Variants in ADNP observed in about 807,000 individuals in gnomAD.
ADNP encodes activity dependent neuroprotector homeobox.
A neutral mutation model predicts 84.9 loss-of-function variants in ADNP; 4 were observed. The ratio of observed to expected loss-of-function variants is 0.05; its 90% CI spans 0.02 to 0.11. The LOEUF (loss-of-function observed/expected upper bound fraction) is 0.11, where lower values mean the gene tolerates loss of function less well. Among genes scored for constraint, ADNP ranks in the 10% least tolerant of loss-of-function variants. The pLI, the probability that ADNP is intolerant of heterozygous loss-of-function variation, is 1.00. For missense variants in ADNP, 1,132 were observed against 1,326.0 expected, an observed-to-expected ratio of 0.85 and a Z score of 2.27; for synonymous variants, 554 against 468.1, an observed-to-expected ratio of 1.18 and a Z score of -2.37.
chr20:50,920,283 A>G (rs1158414160), intron 2 of ADNP, among the ~76,000 whole-genome samples: 4 of 140,276 alleles, frequency 2.9e-5, no homozygotes, highest in African/African-American at 2.7e-5. Flanking sequence ...AAAAAAAAAA[A>G]AGAAAGAAAG....
rs746641833 is a variant in ADNP at position 50,894,322 on chromosome 20, G to A, written c.392C>T (p.Pro131Leu). ...GCTGCTACTTGGTGCGCTGGCGTTCGGAGCATGAAATATTTTAATGTGTGT... is the reference window on the plus strand; with the variant it reads ...GCTGCTACTTGGTGCGCTGGCGTTCAGAGCATGAAATATTTTAATGTGTGT... ...LETHIKIFHA[P>L]NASAPSSSLS... is the part of the protein sequence containing the mutation. Residue 131 changes from proline (P) to leucine (L), a missense_variant, in exon 6 of 6, where the codon CCG becomes CTG. Transcript: ENST00000621696. 1.4e-5 allele frequency: 23 copies of A among 1,613,552 alleles called. No homozygotes were observed. The highest frequency in any genetic ancestry group is 3.3e-4 in the Middle Eastern group (2 of 6,056).
chr20:50,928,423 T>C lies in ADNP; in HGVS notation c.-90+228A>G, dbSNP rs575874552. Among the ~76,000 whole-genome samples the C allele has an allele frequency of 5.9e-5, 9 of 152,312 alleles. No homozygotes were observed. In the South Asian group the frequency reaches 1.0e-3, roughly 18 times the overall value. On this transcript the variant is annotated intron_variant, in intron 2 of 5. Coordinates refer to ENST00000621696, the MANE Select transcript of ADNP (RefSeq NM_001282531.3). The stretch of plus-strand genomic sequence containing the variant: ...TATACAAAGGGGTGTAGAATGCAAA[T>C]GATTACAATATTAGCATCTGTAAAA...
At chr20:50,915,793 G>T (rs1053496183) in intron 2 of ADNP, among the ~76,000 whole-genome samples, 7 of 152,178 alleles carry the variant, frequency 4.6e-5, no homozygotes, top group African/African-American at 1.7e-4. Flanking sequence ...GCTAAAAAGG[G>T]GGGTGAGGGA....
chr20:50,905,193 C>T (rs1027322212), intron 2 of ADNP: 1 of 152,172 alleles, frequency 6.6e-6, no homozygotes, highest in Non-Finnish European at 1.5e-5. Flanking sequence ...ACCTGGGCAG[C>T]TGAGAATATG....
chr20:50,922,155 GA>G (rs1178660533), intron 2 of ADNP, among the ~76,000 whole-genome samples: 9 of 152,188 alleles, frequency 5.9e-5, no homozygotes, highest in African/African-American at 1.9e-4. Context: ...ACACCACACA[GA>G]AGTCGTGAAG....
intron 2 of ADNP, among the ~76,000 whole-genome samples, chr20:50,906,179 T>G (rs1982455993): frequency 6.6e-6 from 1 of 152,170 alleles, no homozygotes; most frequent in African/African-American, 2.4e-5. Flanking sequence ...ACCACTGCAC[T>G]CCAGCATGGC....
At chr20:50,902,448 G>A (rs891837780) in intron 4 of ADNP, among the ~76,000 whole-genome samples, 3 of 152,040 alleles carry the variant, frequency 2.0e-5, no homozygotes, top group Admixed American at 2.0e-4. Flanking sequence ...GTACTGGAAT[G>A]GTGTCTAAAA....
chr20:50,915,315 A>G (rs922462645), intron 2 of ADNP, among the ~76,000 whole-genome samples: 9 of 152,234 alleles, frequency 5.9e-5, no homozygotes, highest in Non-Finnish European at 1.2e-4. Context: ...TTCCTATTTT[A>G]GGATTTGCAT....
At chr20:50,925,291 C>CACACACACACACACACA (rs58814962) in intron 2 of ADNP, among the ~76,000 whole-genome samples, 3 of 150,106 alleles carry the variant, frequency 2.0e-5, no homozygotes, top group Non-Finnish European at 4.4e-5. Context: ...CACACACACA[C>CACACACACACACACACA]TACATAATCA....
At chr20:50,912,909 A>G (rs1021339198) in intron 2 of ADNP, among the ~76,000 whole-genome samples, 7 of 152,076 alleles carry the variant, frequency 4.6e-5, no homozygotes, top group Non-Finnish European at 7.4e-5. Context: ...GGAGAAGAGA[A>G]GAGTGTGGAA....
rs751919326 is a variant in ADNP, at chr20:50,906,963, G to GTTTT, written c.-89-2118_-89-2115dup. Among the ~76,000 whole-genome samples, 168 of 119,194 alleles carry GTTTT rather than the reference G, an allele frequency of 1.4e-3. 13 individuals carry two copies. The highest frequency in any genetic ancestry group is 2.3e-3 in the East Asian group (9 of 3,894). The allele number at this position is 119,194 out of a possible 152,430, so 78.2% of individuals were successfully genotyped here. Reference sequence around the variant, plus strand: ...ATTTTTTTTTTGAGACAGGGTTCCAGTTTTTTTTTTTTGTTTTTTTTTTTG... The same window carrying GTTTT: ...ATTTTTTTTTTGAGACAGGGTTCCAGTTTTTTTTTTTTTTTTGTTTTTTTTTTTG... On this transcript the variant is annotated intron_variant, in intron 2 of 5. Transcript: ENST00000621696.
chr20:50,901,908 C>A, intron 5 of ADNP, 109 bp downstream of exon 5: 3 of 846,928 alleles, frequency 3.5e-6, no homozygotes, highest in Non-Finnish European at 5.9e-6. Context: ...TTGACACTTT[C>A]GATGTTTGGC....
intron 2 of ADNP, among the ~76,000 whole-genome samples, chr20:50,919,088 T>C (rs962225165): frequency 1.3e-5 from 2 of 152,024 alleles, no homozygotes; most frequent in Non-Finnish European, 2.9e-5. Context: ...TACAAATTAT[T>C]ATCATTACAT....
chr20:50,921,348 C>T (rs1983945401), intron 2 of ADNP, among the ~76,000 whole-genome samples: 1 of 152,210 alleles, frequency 6.6e-6, no homozygotes. Context: ...CTCAGGTTTG[C>T]ATATTCTTAA....
In ADNP at chr20:50,892,967, C is replaced by A. The variant is rs141535413; in HGVS notation, c.1747G>T (p.Ala583Ser). The change falls in exon 6 of 6, where the codon GCC becomes TCC. Residue 583 changes from alanine to serine, a missense_variant. This residue lies in a region of ADNP where 87 missense variants were observed against 181.4 expected (regional missense o/e 0.48). Transcript: ENST00000621696. ...DAPAESVAYH[A>S]QNNPPVPPKP... Reference sequence around the variant, plus strand: ...GGAGGAACTGGAGGATTATTTTGGGCATGGTAAGCAACAGATTCAGCTGGG... The same window carrying A: ...GGAGGAACTGGAGGATTATTTTGGGAATGGTAAGCAACAGATTCAGCTGGG... 24 of 1,614,060 alleles carry A rather than the reference C, an allele frequency of 1.5e-5. No homozygotes were observed. In the African/African-American group the frequency reaches 2.4e-4, roughly 16 times the overall value.
chr20:50,902,253 G>C (rs890818561), intron 4 of ADNP, 144 bp from the exon 5 acceptor site: 1 of 595,046 alleles, frequency 1.7e-6, no homozygotes, highest in Non-Finnish European at 2.9e-6. Flanking sequence ...GAGTGATAAG[G>C]CTCTTAAATA....
At chr20:50,910,003 T>C (rs1982883825) in intron 2 of ADNP, among the ~76,000 whole-genome samples, 1 of 152,166 alleles carries the variant, frequency 6.6e-6, no homozygotes, top group Non-Finnish European at 1.5e-5. Context: ...ACACACATTA[T>C]CGTTTCTGCC....
At chr20:50,914,027 C>CT in intron 2 of ADNP, 1 of 754,236 alleles carries the variant, frequency 1.3e-6, no homozygotes, top group African/African-American at 1.7e-5. Flanking sequence ...CAAGTGAATG[C>CT]TGTCAATCAA....
chr20:50,914,249 C>T lies in ADNP; in HGVS notation c.-89-9400G>A, dbSNP rs1418030320. 1.7e-5 allele frequency: 12 copies of T among 714,386 alleles called. No individual in the cohort carries two copies. In the East Asian group the frequency reaches 3.0e-4, roughly 18 times the overall value. 44.3% of individuals were successfully genotyped at this position (714,386 alleles called of 1,614,324 possible). ...ATCCAAGACACTGAGGGTAACACTCCTCCACACTTAGTCTGTGATAAGAGT... is the reference window on the plus strand; with the variant it reads ...ATCCAAGACACTGAGGGTAACACTCTTCCACACTTAGTCTGTGATAAGAGT... On this transcript the variant is annotated intron_variant, in intron 2 of 5. Transcript: ENST00000621696.
Sources: allele counts gnomAD v4.1 joint callset (sites outside exome capture counted in the v4.1 genomes callset), GRCh38; gene constraint gnomAD v4.1.1; regional missense constraint gnomAD v4.1.1; transcripts MANE v1.5; gene names NCBI Gene and HGNC (gene_info 2026-07-23, HGNC 2026-07-21).